SGCD: variants seen among roughly 807,000 people sequenced by gnomAD.
The protein encoded by SGCD is delta-sarcoglycan.
SGCD carries 18 observed loss-of-function variants against 36.6 expected under a neutral mutation model. The ratio of observed to expected loss-of-function variants is 0.49; its 90% CI spans 0.34 to 0.73. SGCD has a LOEUF of 0.73. SGCD is among the 30% of genes least tolerant of loss of function. SGCD has a pLI of 0.01. For missense variants in SGCD, 387 were observed against 346.7 expected, an observed-to-expected ratio of 1.12 and a Z score of -0.92; for synonymous variants, 133 against 130.6, an observed-to-expected ratio of 1.02 and a Z score of -0.12.
At position 156,700,625 on chromosome 5, in the gene SGCD, T is replaced by G. The variant is rs112090491; in HGVS notation, c.575+53089T>G. The stretch of plus-strand genomic sequence containing the variant: ...TTTTCCCCCAGATCATTACCATCAG[T>G]TGTAAAATATATTCTCATCCCCTAT... On this transcript the variant is annotated intron_variant, in intron 7 of 8. Transcript: ENST00000337851. 5.9e-3 allele frequency among the ~76,000 whole-genome samples: 900 copies of G among 152,174 alleles called. 15 individuals carry two copies. Among genetic ancestry groups the G allele is most frequent in the African/African-American group, 0.021 (853 of 41,532 alleles).
At chr5:156,127,853 G>GAAAAAAAAAAA in intron 3 of SGCD, among the ~76,000 whole-genome samples, 1 of 5,752 alleles carries the variant, frequency 1.7e-4, no homozygotes, top group Non-Finnish European at 3.0e-4. Flanking sequence ...AAACATAAAT[G>GAAAAAAAAAAA]CAAAAAAAAA....
At chr5:155,802,254 A>G in the SGCD span, among the ~76,000 whole-genome samples, 1 of 152,202 alleles carries the variant, frequency 6.6e-6, no homozygotes, top group Non-Finnish European at 1.5e-5. Flanking sequence ...ACTGGCACAG[A>G]TATGAGACCA....
intron 7 of SGCD, among the ~76,000 whole-genome samples, chr5:156,746,944 G>A (rs1317630848): frequency 1.3e-5 from 2 of 151,844 alleles, no homozygotes; most frequent in Non-Finnish European, 2.9e-5. Context: ...TCATAGATTG[G>A]GAGAAAATAC....
intron 1 of SGCD, among the ~76,000 whole-genome samples, chr5:156,041,456 A>G (rs563849497): frequency 5.9e-5 from 9 of 152,320 alleles, no homozygotes; most frequent in African/African-American, 1.7e-4. Flanking sequence ...AAGGGTAGAA[A>G]TATCAGAAGA....
chr5:155,907,694 A>C (rs1756548265), intron 1 of SGCD, among the ~76,000 whole-genome samples: 1 of 152,186 alleles, frequency 6.6e-6, no homozygotes, highest in African/African-American at 2.4e-5. Context: ...ATAGATAAGC[A>C]GCTCCTTCTT....
At chr5:156,086,821 G>T (rs1041168307) in intron 1 of SGCD, among the ~76,000 whole-genome samples, 1 of 152,190 alleles carries the variant, frequency 6.6e-6, no homozygotes, top group Non-Finnish European at 1.5e-5. Flanking sequence ...GAAAAGAAAA[G>T]ATATTTAAAA....
At chr5:155,838,041 T>C in the SGCD span, among the ~76,000 whole-genome samples, 1 of 152,012 alleles carries the variant, frequency 6.6e-6, no homozygotes, top group African/African-American at 2.4e-5. Context: ...TCACACAGTC[T>C]CAACTCCTAC....
chr5:155,799,008 G>A, the SGCD span, among the ~76,000 whole-genome samples: 318 of 152,258 alleles, frequency 2.1e-3, 3 homozygotes, highest in Middle Eastern at 6.8e-3. Context: ...CCCTTTTCCT[G>A]TTATAATTAA....
chr5:156,262,255 C>T (rs967173996), intron 3 of SGCD, among the ~76,000 whole-genome samples: 4 of 152,026 alleles, frequency 2.6e-5, no homozygotes, highest in Non-Finnish European at 5.9e-5. Flanking sequence ...TTTAAAAAAT[C>T]CTTTACACTG....
intron 1 of SGCD, among the ~76,000 whole-genome samples, chr5:156,006,339 T>G (rs1758760781): frequency 6.6e-6 from 1 of 152,338 alleles, no homozygotes; most frequent in Non-Finnish European, 1.5e-5. Flanking sequence ...AAATGACAAA[T>G]CTCTTTGATT....
At chr5:156,027,417 G>C (rs1207538312) in intron 1 of SGCD, among the ~76,000 whole-genome samples, 3 of 152,152 alleles carry the variant, frequency 2.0e-5, no homozygotes, top group African/African-American at 4.8e-5. Flanking sequence ...AAACAAAATG[G>C]AATAATGCCA....
At chr5:155,818,942 A>T in the SGCD span, among the ~76,000 whole-genome samples, 1 of 151,532 alleles carries the variant, frequency 6.6e-6, no homozygotes, top group Admixed American at 6.6e-5. Flanking sequence ...ATCCTTACAC[A>T]TTTTTTTTCA....
At chr5:156,123,813 T>C (rs976801781) in intron 2 of SGCD, 5 of 152,182 alleles carry the variant, frequency 3.3e-5, no homozygotes, top group African/African-American at 9.7e-5. Context: ...GTCTTGTTTT[T>C]GTTTTTCTTT....
intron 7 of SGCD, among the ~76,000 whole-genome samples, chr5:156,731,268 T>C (rs946618103): frequency 4.6e-5 from 7 of 152,210 alleles, no homozygotes; most frequent in Non-Finnish European, 1.0e-4. Context: ...TTAGATCTCA[T>C]TTGTCAATTT....
At chr5:155,882,184 C>T (rs925742245) in intron 1 of SGCD, among the ~76,000 whole-genome samples, 1 of 152,030 alleles carries the variant, frequency 6.6e-6, no homozygotes, top group Non-Finnish European at 1.5e-5. Context: ...TTATGGCTTA[C>T]TGCAGCCTCA....
At chr5:156,744,604 C>T (rs1756856360) in intron 7 of SGCD, among the ~76,000 whole-genome samples, 2 of 152,156 alleles carry the variant, frequency 1.3e-5, no homozygotes, top group African/African-American at 4.8e-5. Flanking sequence ...ACAACCTTAC[C>T]TAGATTGTTT....
rs948811287 is a variant in SGCD, at chr5:155,950,469, A to C, written c.-282+80045A>C. Among the ~76,000 whole-genome samples the C allele has an allele frequency of 3.3e-5, 5 of 152,214 alleles. No homozygotes were observed. In the East Asian group the frequency reaches 9.6e-4, roughly 29 times the overall value. ...CAGAAGCGGTTAAACCCGTCCCTGA[A>C]CTTTCACTATGGATAAAGAGATGGG... On this transcript the variant is annotated intron_variant, in intron 1 of 9. Coordinates refer to the SGCD transcript ENST00000517913.
intron 3 of SGCD, among the ~76,000 whole-genome samples, chr5:156,218,503 A>G (rs991021665): frequency 2.0e-5 from 3 of 152,208 alleles, no homozygotes; most frequent in Non-Finnish European, 1.5e-5. Context: ...CCTTATGGCC[A>G]GCAGTTTATA....
intron 1 of SGCD, among the ~76,000 whole-genome samples, chr5:155,876,288 C>G (rs4526088): frequency 6.9e-6 from 1 of 145,206 alleles, no homozygotes; most frequent in Non-Finnish European, 1.5e-5. Flanking sequence ...TTGAAGCTTA[C>G]GTAGATAAGA....
Sources: gnomAD v4.1 joint callset for allele counts (sites outside exome capture counted in the v4.1 genomes callset) on GRCh38, gnomAD v4.1.1 for gene constraint, MANE v1.5 for transcripts, NCBI Gene and HGNC (gene_info 2026-07-23, HGNC 2026-07-21) for gene names.